Variants in AGBL1 observed in about 807,000 individuals in gnomAD.
AGBL1 encodes cytosolic carboxypeptidase 4.
A neutral mutation model predicts 118.9 loss-of-function variants in AGBL1; 130 were observed. The observed-to-expected ratio is 1.09, with a 90% confidence interval of 0.95 to 1.26. AGBL1 has a LOEUF of 1.26. Ranked by LOEUF, AGBL1 falls within the 50% of genes most tolerant of loss-of-function variation. The probability of loss-of-function intolerance (pLI) is 0.00; values close to 1 mark genes in which losing one functional copy is unlikely to be tolerated. For synonymous variants in AGBL1, 555 were observed against 478.9 expected (o/e 1.16, Z -2.08); for missense variants, 1,584 against 1,298.1 (o/e 1.22, Z -3.38).
intron 22 of AGBL1, among the ~76,000 whole-genome samples, chr15:86,723,323 C>T (rs1480122270): frequency 2.0e-5 from 3 of 152,146 alleles, no homozygotes; most frequent in African/African-American, 4.8e-5. Flanking sequence ...TAGTATGCAG[C>T]CATAAAAAAT....
chr15:86,952,625 C>A (rs749625875), intron 23 of AGBL1, among the ~76,000 whole-genome samples: 1 of 152,038 alleles, frequency 6.6e-6, no homozygotes, highest in South Asian at 2.1e-4. Context: ...TTTCTCCCAT[C>A]CTGTAGGTTA....
Position 86,415,740 on chromosome 15 carries a change from C to G in AGBL1, c.2555+18194C>G, listed in dbSNP as rs547383353. On this transcript the variant is annotated intron_variant, in intron 18 of 22. Transcript: ENST00000614907. ...CACTGTGTAGTTGATCTAAATGGAT[C>G]AAGTCTTGAACCCATGCTTATCCCA... Among the ~76,000 whole-genome samples, 129 of 152,212 alleles carry G rather than the reference C, an allele frequency of 8.5e-4. 1 individual carries two copies. In the South Asian group the frequency reaches 0.025, roughly 30 times the overall value.
At position 86,735,655 on chromosome 15, in the gene AGBL1, G is replaced by GAT. The variant is rs61663652; in HGVS notation, c.3158+61232_3158+61233dup. ...GTGTGTATTTCCTGCTACAAAGAGAGATATATATATATATTTTATTTGTCT... is the reference window on the plus strand; with the variant it reads ...GTGTGTATTTCCTGCTACAAAGAGAGATATATATATATATATTTTATTTGTCT... On this transcript the variant is annotated intron_variant, in intron 22 of 22. Transcript: ENST00000614907. Among the ~76,000 whole-genome samples the GAT allele has an allele frequency of 6.6e-4, 97 of 146,834 alleles. 4 individuals are homozygous for GAT. The South Asian group carries it at 0.014, about 22-fold the overall frequency.
At chr15:86,796,334 A>C (rs1164131643) in intron 22 of AGBL1, among the ~76,000 whole-genome samples, 1 of 152,194 alleles carries the variant, frequency 6.6e-6, no homozygotes, top group African/African-American at 2.4e-5. Context: ...TTTCTGTCAC[A>C]AAGGATTGTC....
intron 21 of AGBL1, among the ~76,000 whole-genome samples, chr15:86,655,193 G>A (rs1280934134): frequency 3.3e-5 from 5 of 152,152 alleles, no homozygotes; most frequent in African/African-American, 1.2e-4. Flanking sequence ...TTAGCAAGGA[G>A]GGACAGGTGT....
At chr15:86,894,105 A>C (rs553742441) in intron 22 of AGBL1, among the ~76,000 whole-genome samples, 1 of 152,324 alleles carries the variant, frequency 6.6e-6, no homozygotes, top group South Asian at 2.1e-4. Context: ...TTTACAGGAC[A>C]TCAAAGCTTC....
At chr15:86,136,208 A>G (rs1056218836) in intron 1 of AGBL1, among the ~76,000 whole-genome samples, 2 of 152,238 alleles carry the variant, frequency 1.3e-5, no homozygotes, top group Non-Finnish European at 2.9e-5. Context: ...AGCTAGAATT[A>G]AAAGGCCATT....
chr15:86,107,824 C>T (rs1379799049), intron 1 of AGBL1, among the ~76,000 whole-genome samples: 1 of 152,192 alleles, frequency 6.6e-6, no homozygotes, highest in Non-Finnish European at 1.5e-5. Flanking sequence ...TCTCTAGGAA[C>T]AGACTGGCTG....
intron 22 of AGBL1, among the ~76,000 whole-genome samples, chr15:86,863,655 T>G (rs1394225685): frequency 1.3e-5 from 2 of 152,190 alleles, no homozygotes; most frequent in Non-Finnish European, 2.9e-5. Flanking sequence ...TATTGTTTAT[T>G]AGATGGGACT....
chr15:86,158,937 C>T lies in AGBL1; in HGVS notation c.399C>T (p.Ser133=). The T allele has an allele frequency of 1.2e-6, 2 of 1,613,154 alleles. No individual in the cohort carries two copies. The highest frequency in any genetic ancestry group is 2.2e-5 in the South Asian group (2 of 91,050). Residue 133 remains serine (S), a synonymous_variant, in exon 5 of 23, where the codon TCC becomes TCT. Coordinates refer to ENST00000614907, the MANE Select transcript of AGBL1 (RefSeq NM_001386094.1). ...CTGTGCTTTTGTTTTTCTTAGTCTC[C>T]ATGGGAGCCATGCTGGGAATTAATG... ...WALRVFASSV[S]MGAMLGINGA...
intron 6 of AGBL1, among the ~76,000 whole-genome samples, chr15:86,238,620 A>G (rs1172031795): frequency 6.6e-6 from 1 of 152,202 alleles, no homozygotes; most frequent in African/African-American, 2.4e-5. Context: ...ACTGAGTGAG[A>G]AAATGCTGTC....
At chr15:86,603,436 C>T (rs7175485) in intron 21 of AGBL1, among the ~76,000 whole-genome samples, 2,623 of 152,154 alleles carry the variant, frequency 0.017, 74 homozygotes, top group African/African-American at 0.06. Flanking sequence ...CACCCCCGCC[C>T]CCTACCATCT....
At chr15:86,769,196 A>G (rs970119678) in intron 22 of AGBL1, among the ~76,000 whole-genome samples, 2 of 122,604 alleles carry the variant, frequency 1.6e-5, no homozygotes, top group African/African-American at 6.8e-5. Flanking sequence ...AGAGACAGAG[A>G]AAGAGGGAGA....
At chr15:86,142,151 G>A (rs947433292) in intron 2 of AGBL1, 84 bp downstream of exon 2, 15 of 1,388,902 alleles carry the variant, frequency 1.1e-5, no homozygotes, top group South Asian at 6.5e-5. Context: ...TCTGTGACCT[G>A]GGGGTTTGCT....
Position 86,295,246 on chromosome 15 carries a change from C to A in AGBL1, c.2221-9C>A. The A allele has an allele frequency of 6.2e-7, 1 of 1,613,092 alleles. No individual in the cohort carries two copies. ...GATAATATACATGCCTGCTTTATTT[C>A]TGCTCCAGACTCATCTTGACATCCT... is the stretch of plus-strand genomic sequence containing the variant. On this transcript the variant is annotated splice_polypyrimidine_tract_variant and intron_variant, in intron 16 of 22. Coordinates refer to ENST00000614907, the MANE Select transcript of AGBL1 (RefSeq NM_001386094.1).
At chr15:86,252,523 A>G (rs994675989) in intron 7 of AGBL1, among the ~76,000 whole-genome samples, 1 of 152,216 alleles carries the variant, frequency 6.6e-6, no homozygotes, top group East Asian at 1.9e-4. Flanking sequence ...AGAATCCTAT[A>G]TGGGAAAATA....
intron 1 of AGBL1, among the ~76,000 whole-genome samples, chr15:86,124,004 T>A (rs1898250017): frequency 6.6e-6 from 1 of 152,106 alleles, no homozygotes; most frequent in Non-Finnish European, 1.5e-5. Context: ...GTGAACCTGG[T>A]GAAATCTAGT....
At chr15:86,487,359 G>C (rs1235315710) in intron 18 of AGBL1, among the ~76,000 whole-genome samples, 1 of 152,044 alleles carries the variant, frequency 6.6e-6, no homozygotes, top group Admixed American at 6.6e-5. Context: ...CCCTAATCCT[G>C]TGTTGCTAAA....
At chr15:86,630,971 G>A (rs1010733987) in intron 21 of AGBL1, 12 of 159,646 alleles carry the variant, frequency 7.5e-5, no homozygotes, top group East Asian at 3.6e-4. Flanking sequence ...CTAAAATGGC[G>A]TCAGCCTAGG....
Sources: allele counts gnomAD v4.1 joint callset (sites outside exome capture counted in the v4.1 genomes callset), GRCh38; gene constraint gnomAD v4.1.1; transcripts MANE v1.5; gene names NCBI Gene and HGNC (gene_info 2026-07-23, HGNC 2026-07-21).